The following ASH1L variants were observed in gnomAD, a reference collection of about 807,000 sequenced individuals.
The protein encoded by ASH1L is ASH1 like histone lysine methyltransferase.
Under a neutral mutation model 269.0 loss-of-function variants are expected in ASH1L, and 23 were observed. The observed-to-expected ratio is 0.09, with a 90% CI of 0.06 to 0.12. ASH1L has a LOEUF of 0.12. Among genes scored for constraint, ASH1L ranks in the 10% least tolerant of loss-of-function variants. The pLI, the probability that ASH1L is intolerant of heterozygous loss-of-function variation, is 1.00. For synonymous variants in ASH1L, 1,187 were observed against 1,253.5 expected (o/e 0.95, Z 1.12); for missense variants, 2,912 against 3,567.8 (o/e 0.82, Z 4.68).
rs943445357 is a variant in ASH1L at position 155,438,444 on chromosome 1, A to G, written c.5711T>C (p.Val1904Ala). Reference protein sequence around the residue: ...TDVIEAVVQSVNLNPEHKKGL... With the variant: ...TDVIEAVVQSANLNPEHKKGL... ...CTTTTTATGTTCTGGGTTCAGATTT[A>G]CACTCTGAACAACAGCCTCAATTAC... Residue 1904 changes from valine (V) to alanine (A), a missense_variant, in exon 5 of 28, where the codon GTA becomes GCA. Around this residue, in one of 13 missense-constraint regions of ASH1L, gnomAD observed 789 missense variants for 897.6 expected, o/e 0.88. Transcript: ENST00000392403. 1 of 1,613,806 alleles carries G rather than the reference A, an allele frequency of 6.2e-7. No individual in the cohort carries two copies. The highest frequency in any genetic ancestry group is 1.3e-5 in the African/African-American group (1 of 74,884).
At chr1:155,545,175 CAAA>C (rs10624841) in intron 1 of ASH1L, among the ~76,000 whole-genome samples, 3 of 21,768 alleles carry the variant, frequency 1.4e-4, no homozygotes, top group Admixed American at 9.6e-4. Flanking sequence ...TCCATCTCAC[CAAA>C]AAAAAAAAAA....
chr1:155,348,900 AT>A (rs1376218881), intron 19 of ASH1L, among the ~76,000 whole-genome samples: 3 of 68,632 alleles, frequency 4.4e-5, no homozygotes, highest in African/African-American at 2.6e-4. Context: ...AAAAAAAAAA[AT>A]ATATATATAT....
At chr1:155,520,068 T>C (rs1668768740) in intron 2 of ASH1L, among the ~76,000 whole-genome samples, 1 of 151,938 alleles carries the variant, frequency 6.6e-6, no homozygotes, top group South Asian at 2.1e-4. Context: ...GTAAATTATT[T>C]TGGCTGGGTA....
chr1:155,497,928 A>G (rs911991280), intron 2 of ASH1L, among the ~76,000 whole-genome samples: 29 of 150,376 alleles, frequency 1.9e-4, no homozygotes, highest in Non-Finnish European at 3.7e-4. Context: ...TTTTTTTTGT[A>G]TTTTTAGTAG....
intron 17 of ASH1L, 113 bp from the exon 18 acceptor site, chr1:155,349,709 CTTTTTTTTT>C (rs993462774): frequency 2.0e-5 from 6 of 299,414 alleles, no homozygotes; most frequent in Admixed American, 1.7e-4. Flanking sequence ...AAATCCAAGT[CTTTTTTTTT>C]TTTTTTTTTT....
chr1:155,369,511 AC>A (rs941034736), intron 12 of ASH1L, among the ~76,000 whole-genome samples: 3 of 152,194 alleles, frequency 2.0e-5, no homozygotes, highest in African/African-American at 7.2e-5. Flanking sequence ...TAAAAACTTA[AC>A]AAAAAACCCC....
chr1:155,422,121 C>T (rs753198973), intron 5 of ASH1L, among the ~76,000 whole-genome samples: 3 of 152,042 alleles, frequency 2.0e-5, no homozygotes, highest in Non-Finnish European at 4.4e-5. Context: ...TATATGTCCA[C>T]TTGTGTCTGG....
At position 155,481,567 on chromosome 1, in the gene ASH1L, G is replaced by A. The variant is rs2148730995; in HGVS notation, c.1303C>T (p.Pro435Ser). Reference sequence around the variant, plus strand: ...TTTGTACTACAAGAAGCCTTAAGCGGTTCCTGAGTGGGGAGCAGTGCTTCG... The same window carrying A: ...TTTGTACTACAAGAAGCCTTAAGCGATTCCTGAGTGGGGAGCAGTGCTTCG... The part of the protein sequence containing the change: ...KAEALLPTQE[P>S]LKASCSTNIN... The change falls in exon 3 of 28, where the codon CCG becomes TCG. Residue 435 changes from proline (P) to serine (S), a missense_variant. Physicochemically the swap from Pro to Ser is moderately conservative, Grantham distance 74. Coordinates refer to ENST00000392403, the MANE Select transcript of ASH1L (RefSeq NM_018489.3). 2 of 1,614,160 alleles carry A rather than the reference G, an allele frequency of 1.2e-6. No individual in the cohort carries two copies. Among genetic ancestry groups the A allele is most frequent in the South Asian group, 2.2e-5 (2 of 91,078 alleles).
intron 4 of ASH1L, among the ~76,000 whole-genome samples, chr1:155,452,230 G>T (rs977913985): frequency 6.6e-6 from 1 of 151,658 alleles, no homozygotes; most frequent in African/African-American, 2.4e-5. Context: ...GTAGAGACGG[G>T]GTTTTGCCAT....
intron 1 of ASH1L, among the ~76,000 whole-genome samples, chr1:155,528,706 T>A (rs1420552980): frequency 6.6e-6 from 1 of 152,184 alleles, no homozygotes; most frequent in Non-Finnish European, 1.5e-5. Context: ...ATTGATTTTT[T>A]AATATATTTA....
chr1:155,518,812 G>A (rs934100496), intron 2 of ASH1L, among the ~76,000 whole-genome samples: 19 of 148,440 alleles, frequency 1.3e-4, no homozygotes, highest in African/African-American at 4.7e-4. Context: ...GACGGGGAGA[G>A]GAAGGAAGAA....
intron 6 of ASH1L, among the ~76,000 whole-genome samples, chr1:155,411,530 A>T (rs1310534429): frequency 7.0e-6 from 1 of 142,398 alleles, no homozygotes; most frequent in African/African-American, 2.6e-5. Flanking sequence ...AGTAAAAAAC[A>T]GAAGTGTGGT....
At chr1:155,468,556 T>C (rs1664866632) in intron 3 of ASH1L, among the ~76,000 whole-genome samples, 1 of 152,206 alleles carries the variant, frequency 6.6e-6, no homozygotes, top group Admixed American at 6.5e-5. Flanking sequence ...CATGGATTTA[T>C]AGATATTGAC....
intron 4 of ASH1L, among the ~76,000 whole-genome samples, chr1:155,448,174 C>A (rs1241726074): frequency 6.6e-6 from 1 of 152,152 alleles, no homozygotes; most frequent in Non-Finnish European, 1.5e-5. Context: ...GGATTTGTTT[C>A]TGGGTTCTCT....
chr1:155,538,312 G>A (rs1022696373), intron 1 of ASH1L, among the ~76,000 whole-genome samples: 2 of 151,042 alleles, frequency 1.3e-5, no homozygotes, highest in South Asian at 4.2e-4. Flanking sequence ...CAAAGTGCTG[G>A]GATTACAGGC....
At chr1:155,346,325 A>G in intron 21 of ASH1L, 58 bp downstream of exon 21, 1 of 1,563,946 alleles carries the variant, frequency 6.4e-7, no homozygotes. Context: ...GACAGGTGAG[A>G]TACCATGTGC....
rs1469803350 is a variant in ASH1L at position 155,492,113 on chromosome 1, G to A, written c.421-9664C>T. ...TGCAATGGTGCAATCTTGGCTCACC[G>A]CAACCTCTGCCTCCCAGGTTGAAGT... On this transcript the variant is annotated intron_variant, in intron 2 of 27. Coordinates refer to ENST00000392403, the MANE Select transcript of ASH1L (RefSeq NM_018489.3). Among the ~76,000 whole-genome samples, 15 of 139,384 alleles carry A rather than the reference G, an allele frequency of 1.1e-4. No individual in the cohort carries two copies. The East Asian group carries it at 3.3e-3, about 31-fold the overall frequency. The allele number at this position is 139,384 out of a possible 152,430, so 91.4% of individuals were successfully genotyped here.
intron 4 of ASH1L, among the ~76,000 whole-genome samples, chr1:155,443,226 T>A (rs1165721660): frequency 6.6e-6 from 1 of 152,220 alleles, no homozygotes. Context: ...ATTTAATCCA[T>A]GAATATCAGT....
intron 2 of ASH1L, among the ~76,000 whole-genome samples, chr1:155,510,277 G>T (rs1262657396): frequency 6.6e-6 from 1 of 151,672 alleles, no homozygotes; most frequent in Non-Finnish European, 1.5e-5. Flanking sequence ...ACCCAGGCGT[G>T]GTGGTGCACA....
Sources: allele counts gnomAD v4.1 joint callset (sites outside exome capture counted in the v4.1 genomes callset), GRCh38; gene constraint gnomAD v4.1.1; regional missense constraint gnomAD v4.1.1; transcripts MANE v1.5; gene names NCBI Gene and HGNC (gene_info 2026-07-23, HGNC 2026-07-21).